Variants in PLA2G4A observed in about 807,000 individuals in gnomAD.
PLA2G4A encodes cytosolic phospholipase A2.
PLA2G4A carries 40 observed loss-of-function variants against 81.9 expected under a neutral mutation model. The ratio of observed to expected loss-of-function variants is 0.49; its 90% CI spans 0.38 to 0.64. PLA2G4A has a LOEUF of 0.64. Among genes scored for constraint, PLA2G4A ranks in the 30% least tolerant of loss-of-function variants. The pLI, the probability that PLA2G4A is intolerant of heterozygous loss-of-function variation, is 0.00. For synonymous variants in PLA2G4A, 302 were observed against 296.9 expected, an observed-to-expected ratio of 1.02 and a Z score of -0.18; for missense variants, 715 against 905.1, an observed-to-expected ratio of 0.79 and a Z score of 2.69.
At chr1:186,872,584 A>G (rs975081060) in intron 3 of PLA2G4A, among the ~76,000 whole-genome samples, 1 of 152,016 alleles carries the variant, frequency 6.6e-6, no homozygotes, top group African/African-American at 2.4e-5. Flanking sequence ...GCTTAAGATG[A>G]GTCCAACAGC....
intron 3 of PLA2G4A, among the ~76,000 whole-genome samples, chr1:186,874,013 A>G (rs571898511): frequency 2.6e-5 from 4 of 152,068 alleles, no homozygotes; most frequent in Non-Finnish European, 5.9e-5. Context: ...TCATCGCTCT[A>G]TTTTTATCTT....
intron 14 of PLA2G4A, among the ~76,000 whole-genome samples, chr1:186,961,723 T>C (rs1656952636): frequency 6.6e-6 from 1 of 152,168 alleles, no homozygotes; most frequent in South Asian, 2.1e-4. Flanking sequence ...GGTTACACTT[T>C]CAGCTAAATT....
At position 186,939,966 on chromosome 1, in the gene PLA2G4A, T is replaced by A; in HGVS notation, c.919-14T>A. On this transcript the variant is annotated splice_polypyrimidine_tract_variant and intron_variant, in intron 9 of 17. Coordinates refer to ENST00000367466, the MANE Select transcript of PLA2G4A (RefSeq NM_024420.3). Reference sequence around the variant, plus strand: ...ATAAATTTAAAGTCATCTTTTTCTTTCTTCTGTGGACAGAGAATGAATACT... The same window carrying A: ...ATAAATTTAAAGTCATCTTTTTCTTACTTCTGTGGACAGAGAATGAATACT... 1 of 1,199,294 alleles carries A rather than the reference T, an allele frequency of 8.3e-7. No individual in the cohort carries two copies. The highest frequency in any genetic ancestry group is 1.7e-5 in the Admixed American group (1 of 59,482). 74.3% of individuals were successfully genotyped at this position (1,199,294 alleles called of 1,614,324 possible). A position where few individuals can be genotyped will look rare whatever the true frequency, so the allele number is the denominator to read the frequency against.
chr1:186,932,648 A>T, intron 7 of PLA2G4A, 115 bp from the exon 8 acceptor site: 2 of 1,074,624 alleles, frequency 1.9e-6, no homozygotes, highest in Non-Finnish European at 2.9e-6. Context: ...TATGAAGTTA[A>T]CTTACACTTC....
chr1:186,958,334 C>T (rs938859057), intron 14 of PLA2G4A, among the ~76,000 whole-genome samples: 1 of 152,136 alleles, frequency 6.6e-6, no homozygotes, highest in African/African-American at 2.4e-5. Flanking sequence ...TAAAAATACA[C>T]TTAACCATAC....
At chr1:186,874,174 A>G (rs1288161949) in intron 3 of PLA2G4A, among the ~76,000 whole-genome samples, 1 of 151,972 alleles carries the variant, frequency 6.6e-6, no homozygotes, top group Non-Finnish European at 1.5e-5. Context: ...TAAACTCTAT[A>G]CTCTACATTG....
chr1:186,897,642 G>A (rs1231323809), intron 5 of PLA2G4A, among the ~76,000 whole-genome samples: 1 of 152,096 alleles, frequency 6.6e-6, no homozygotes, highest in African/African-American at 2.4e-5. Flanking sequence ...CCAAGTAGCT[G>A]AGATTACAGG....
chr1:186,948,370 CTAAGAG>C (rs1342649290), intron 12 of PLA2G4A, among the ~76,000 whole-genome samples: 1 of 152,128 alleles, frequency 6.6e-6, no homozygotes, highest in African/African-American at 2.4e-5. Flanking sequence ...GCACATTCTC[CTAAGAG>C]TAACTGCAAG....
intron 5 of PLA2G4A, among the ~76,000 whole-genome samples, chr1:186,898,179 A>G (rs1318706749): frequency 1.3e-5 from 2 of 152,136 alleles, no homozygotes; most frequent in Non-Finnish European, 2.9e-5. Context: ...TATATAATTT[A>G]AAGATACTAA....
intron 6 of PLA2G4A, among the ~76,000 whole-genome samples, chr1:186,908,011 A>T (rs1188524276): frequency 1.3e-5 from 2 of 152,180 alleles, no homozygotes; most frequent in Non-Finnish European, 2.9e-5. Flanking sequence ...TCACTGAGGT[A>T]ATTAGGACAT....
At chr1:186,941,497 A>C (rs898360298) in intron 10 of PLA2G4A, among the ~76,000 whole-genome samples, 1 of 152,212 alleles carries the variant, frequency 6.6e-6, no homozygotes, top group African/African-American at 2.4e-5. Flanking sequence ...CATGTTTCCT[A>C]CAACCGGGGA....
intron 15 of PLA2G4A, among the ~76,000 whole-genome samples, chr1:186,976,446 A>G (rs570758148): frequency 6.6e-6 from 1 of 152,138 alleles, no homozygotes; most frequent in African/African-American, 2.4e-5. Context: ...TTTGCATAGC[A>G]CTTAATATGT....
intron 5 of PLA2G4A, among the ~76,000 whole-genome samples, chr1:186,900,578 C>T (rs1654500145): frequency 1.3e-5 from 2 of 152,148 alleles, no homozygotes; most frequent in Admixed American, 1.3e-4. Context: ...ATGTGCCAGT[C>T]ACTCATGACT....
chr1:186,913,246 T>C (rs1655027222), intron 7 of PLA2G4A, among the ~76,000 whole-genome samples: 1 of 152,012 alleles, frequency 6.6e-6, no homozygotes, highest in Non-Finnish European at 1.5e-5. Flanking sequence ...ATCCTAATTA[T>C]GGAGAAATAC....
chr1:186,838,537 C>G (rs1651869940), intron 1 of PLA2G4A, among the ~76,000 whole-genome samples: 1 of 152,170 alleles, frequency 6.6e-6, no homozygotes, highest in Non-Finnish European at 1.5e-5. Context: ...TCTTTCCCAA[C>G]TCTTGGATTC....
chr1:186,958,431 G>A (rs962256883), intron 14 of PLA2G4A, among the ~76,000 whole-genome samples: 4 of 151,936 alleles, frequency 2.6e-5, no homozygotes, highest in African/African-American at 9.7e-5. Flanking sequence ...TTCTAGAAAC[G>A]TATGCTTTAT....
chr1:186,860,396 A>G (rs1314369442), intron 2 of PLA2G4A, among the ~76,000 whole-genome samples: 6 of 135,610 alleles, frequency 4.4e-5, no homozygotes, highest in African/African-American at 1.1e-4. Flanking sequence ...TCCCAATCTG[A>G]GGGCAGGACA....
At chr1:186,833,744 A>G (rs1487758994) in intron 1 of PLA2G4A, among the ~76,000 whole-genome samples, 4 of 152,196 alleles carry the variant, frequency 2.6e-5, no homozygotes, top group Admixed American at 2.0e-4. Context: ...CTTTCCTTAT[A>G]CAAAAAATGA....
rs115856479 is a variant in PLA2G4A at position 186,899,946 on chromosome 1, G to T, written c.378+5735G>T. 2.1e-3 allele frequency among the ~76,000 whole-genome samples: 324 copies of T among 152,308 alleles called. 2 individuals are homozygous for T. Among genetic ancestry groups the T allele is most frequent in the African/African-American group, 7.4e-3 (306 of 41,582 alleles). ...TAGAAGCAGTGAGGATCCGCTGAAG[G>T]TGGAAAGCTGAATTACAGTGAATTC... On this transcript the variant is annotated intron_variant, in intron 5 of 17. Coordinates refer to ENST00000367466, the MANE Select transcript of PLA2G4A (RefSeq NM_024420.3).
Sources: gnomAD v4.1 joint callset for allele counts (sites outside exome capture counted in the v4.1 genomes callset) on GRCh38, gnomAD v4.1.1 for gene constraint, MANE v1.5 for transcripts, NCBI Gene and HGNC (gene_info 2026-07-23, HGNC 2026-07-21) for gene names.